Variants in PNISR observed in about 807,000 individuals in gnomAD.
PNISR encodes the protein arginine/serine-rich protein PNISR.
Under a neutral mutation model 93.4 loss-of-function variants are expected in PNISR, and 20 were observed. That is an observed-to-expected ratio of 0.21 (90% CI 0.15 to 0.31). PNISR has a LOEUF of 0.31. Among genes scored for constraint, PNISR ranks in the 10% least tolerant of loss-of-function variants. PNISR has a pLI of 1.00. For missense variants in PNISR, 893 were observed against 985.4 expected, an observed-to-expected ratio of 0.91 and a Z score of 1.25; for synonymous variants, 305 against 306.5, an observed-to-expected ratio of 0.99 and a Z score of 0.05.
At chr6:99,414,172 T>A (rs111997741) in intron 3 of PNISR, among the ~76,000 whole-genome samples, 1 of 152,232 alleles carries the variant, frequency 6.6e-6, no homozygotes, top group African/African-American at 2.4e-5. Context: ...TACCTTTGTA[T>A]GTGTGCCTGA....
At chr6:99,409,478 A>G (rs2128484927) in intron 5 of PNISR, 134 bp from the exon 6 acceptor site, 1 of 699,416 alleles carries the variant, frequency 1.4e-6, no homozygotes, top group South Asian at 2.1e-5. Flanking sequence ...TCTAATATCC[A>G]CCGATACTTC....
chr6:99,421,807 T>TA (rs1778596364), intron 1 of PNISR, among the ~76,000 whole-genome samples: 1 of 152,224 alleles, frequency 6.6e-6, no homozygotes, highest in Non-Finnish European at 1.5e-5. Flanking sequence ...ATCCTTTTCT[T>TA]AAATGTATCT....
chr6:99,414,476 C>A (rs1026599540), intron 3 of PNISR, 96 bp downstream of exon 3: 19 of 578,178 alleles, frequency 3.3e-5, no homozygotes, highest in Non-Finnish European at 4.4e-5. Flanking sequence ...ATCCAGTACA[C>A]CAATCTCAAT....
intron 9 of PNISR, 100 bp from the exon 10 acceptor site, chr6:99,403,982 C>A: frequency 1.3e-6 from 1 of 748,876 alleles, no homozygotes; most frequent in Non-Finnish European, 2.3e-6. Context: ...ACTATTGCTG[C>A]TTTTTGGGGA....
chr6:99,406,365 C>T (rs1261665497), intron 7 of PNISR, among the ~76,000 whole-genome samples, 197 bp from the exon 8 acceptor site: 1 of 152,152 alleles, frequency 6.6e-6, no homozygotes, highest in Non-Finnish European at 1.5e-5. Flanking sequence ...TGTAAGATTA[C>T]AAGAAGGCTT....
At position 99,398,172 on chromosome 6, in the gene PNISR, T is replaced by A. The variant is rs1449280516; in HGVS notation, c.*2368A>T. On this transcript the variant is annotated 3_prime_UTR_variant, in exon 12 of 12. Transcript: ENST00000369239. ...TACCCCCACTCCACAAAAACAATTA[T>A]GACTAATACACTAGAAATATTTTTT... is the stretch of plus-strand genomic sequence containing the variant. 6.6e-6 allele frequency: 1 copy of A among 152,198 alleles called. No individual in the cohort carries two copies. The allele number at this position is 152,198 out of a possible 1,614,324, so 9.4% of individuals were successfully genotyped here. A position where few individuals can be genotyped will look rare whatever the true frequency, so the allele number is the denominator to read the frequency against.
intron 1 of PNISR, among the ~76,000 whole-genome samples, chr6:99,417,660 G>A (rs901950891): frequency 6.6e-6 from 1 of 151,978 alleles, no homozygotes; most frequent in Non-Finnish European, 1.5e-5. Context: ...ACAACTATTA[G>A]GGGGTTTTAA....
At position 99,402,653 on chromosome 6, in the gene PNISR, G is replaced by C. The variant is rs757037323; in HGVS notation, c.1214C>G (p.Ser405Cys). ...DSEDERSDRG[S>C]ESSDTDDEEL... ...TTCATCATCAGTGTCAGATGACTCAGATCCTCTGTCACTCCTCTCATCTTC... is the reference window on the plus strand; with the variant it reads ...TTCATCATCAGTGTCAGATGACTCACATCCTCTGTCACTCCTCTCATCTTC... Residue 405 changes from serine (S) to cysteine (C), a missense_variant, in exon 11 of 12, where the codon TCT becomes TGT. Ser to Cys is a moderately radical substitution (Grantham distance 112). Coordinates refer to ENST00000369239, the MANE Select transcript of PNISR (RefSeq NM_032870.4). 1 of 1,612,850 alleles carries C rather than the reference G, an allele frequency of 6.2e-7. No individual in the cohort carries two copies. Among genetic ancestry groups the C allele is most frequent in the East Asian group, 2.2e-5 (1 of 44,866 alleles).
intron 3 of PNISR, among the ~76,000 whole-genome samples, chr6:99,413,956 T>C (rs1777323215): frequency 6.6e-6 from 1 of 152,202 alleles, no homozygotes; most frequent in Admixed American, 6.5e-5. Flanking sequence ...TGAAAAACTT[T>C]AAATAACAAA....
At chr6:99,408,023 A>G (rs754592415) in intron 7 of PNISR, 58 bp downstream of exon 7, 45 of 1,272,406 alleles carry the variant, frequency 3.5e-5, no homozygotes, top group Non-Finnish European at 4.8e-5. Flanking sequence ...CTATTTCAGT[A>G]AAGTTTTCAC....
chr6:99,411,597 T>C (rs1002561743), intron 4 of PNISR: 4 of 149,624 alleles, frequency 2.7e-5, no homozygotes, highest in African/African-American at 9.9e-5. Flanking sequence ...TTTTTAAAAG[T>C]AATCTGAATT....
intron 9 of PNISR, 134 bp from the exon 10 acceptor site, chr6:99,404,016 C>T (rs1775835828): frequency 1.6e-6 from 1 of 621,280 alleles, no homozygotes; most frequent in Non-Finnish European, 2.9e-6. Context: ...AAAAACATAA[C>T]ATTCATTTTA....
chr6:99,407,545 G>A (rs529146866), intron 7 of PNISR, among the ~76,000 whole-genome samples: 22 of 152,172 alleles, frequency 1.4e-4, no homozygotes, highest in Admixed American at 5.2e-4. Context: ...GAAAATGGCC[G>A]TGCAAGACAG....
At chr6:99,402,934 T>C (rs928845047) in intron 10 of PNISR, 19 of 365,476 alleles carry the variant, frequency 5.2e-5, no homozygotes, top group Admixed American at 1.7e-4. Flanking sequence ...ATTTCATATT[T>C]TTCTCACTGT....
intron 1 of PNISR, among the ~76,000 whole-genome samples, chr6:99,419,826 T>C (rs1562262432): frequency 6.6e-6 from 1 of 151,868 alleles, no homozygotes; most frequent in East Asian, 1.9e-4. Flanking sequence ...TATTTCCAAT[T>C]CCTAGAGCTT....
chr6:99,407,891 G>C (rs1336408467), intron 7 of PNISR, among the ~76,000 whole-genome samples, 190 bp downstream of exon 7: 1 of 152,182 alleles, frequency 6.6e-6, no homozygotes, highest in Admixed American at 6.6e-5. Flanking sequence ...TTATAAACTT[G>C]TTGTCCCATT....
intron 1 of PNISR, among the ~76,000 whole-genome samples, chr6:99,423,038 A>G (rs575858036): frequency 6.6e-6 from 1 of 152,208 alleles, no homozygotes; most frequent in African/African-American, 2.4e-5. Context: ...CCATTCTTCA[A>G]TAAAAGGAAT....
At chr6:99,415,429 A>G (rs1204521920) in intron 2 of PNISR, 5 of 152,186 alleles carry the variant, frequency 3.3e-5, no homozygotes, top group African/African-American at 1.2e-4. Context: ...TATAAATAGC[A>G]TGGAAAAGAT....
Position 99,401,270 on chromosome 6 carries a change from G to C in PNISR, c.1688C>G (p.Ser563Cys). The part of the protein sequence containing the change: ...KRKKRHSRSR[S>C]PTIKARRSRS... ...GCTACGTCTAGCTTTGATTGTTGGA[G>C]ATCTACTCCTACTGTGTCTCTTTTT... is the stretch of plus-strand genomic sequence containing the variant. The change falls in exon 12 of 12, where the codon TCT (serine) becomes TGT (cysteine). Residue 563 changes from serine to cysteine, a missense_variant. Physicochemically the swap from Ser to Cys is moderately radical, Grantham distance 112. Transcript: ENST00000369239. The C allele has an allele frequency of 6.2e-7, 1 of 1,614,038 alleles. No individual in the cohort carries two copies. The highest frequency in any genetic ancestry group is 8.5e-7 in the Non-Finnish European group (1 of 1,179,978).
Sources: gnomAD v4.1 joint callset for allele counts (sites outside exome capture counted in the v4.1 genomes callset) on GRCh38, gnomAD v4.1.1 for gene constraint, MANE v1.5 for transcripts, NCBI Gene and HGNC (gene_info 2026-07-23, HGNC 2026-07-21) for gene names.